The following PPP6R2 variants were observed in gnomAD, a reference collection of about 807,000 sequenced individuals.
PPP6R2 encodes serine/threonine-protein phosphatase 6 regulatory subunit 2.
In PPP6R2, 62 loss-of-function variants were observed where a neutral mutation model predicts 100.2. The observed-to-expected ratio is 0.62, with a 90% CI of 0.50 to 0.76. The LOEUF (loss-of-function observed/expected upper bound fraction) is 0.76, where lower values mean the gene tolerates loss of function less well. Ranked by LOEUF, PPP6R2 falls within the 30% of genes least tolerant of loss-of-function variation. PPP6R2 has a pLI of 0.00. For missense variants in PPP6R2, 1,142 were observed against 1,276.3 expected, an observed-to-expected ratio of 0.89 and a Z score of 1.60; for synonymous variants, 525 against 514.7, an observed-to-expected ratio of 1.02 and a Z score of -0.27.
Position 50,394,258 on chromosome 22 carries a change from C to T in PPP6R2, c.227+123C>T. On this transcript the variant is annotated intron_variant, in intron 3 of 23. Transcript: ENST00000612753. ...AAGAAGCGAGCCGTAAAAATCCACCCCATGTGAGAAGTGAGGAGGGCACTC... is the reference window on the plus strand; with the variant it reads ...AAGAAGCGAGCCGTAAAAATCCACCTCATGTGAGAAGTGAGGAGGGCACTC... 4 of 1,443,244 alleles carry T rather than the reference C, an allele frequency of 2.8e-6. No individual in the cohort carries two copies. The South Asian group carries it at 4.0e-5, about 14-fold the overall frequency. The allele number at this position is 1,443,244 out of a possible 1,614,324, so 89.4% of individuals were successfully genotyped here.
At chr22:50,403,651 G>T (rs1168349192) in intron 3 of PPP6R2, among the ~76,000 whole-genome samples, 1 of 152,082 alleles carries the variant, frequency 6.6e-6, no homozygotes, top group South Asian at 2.1e-4. Context: ...AGCTTGCAGT[G>T]CCCCTGTGCC....
At chr22:50,388,128 G>A (rs371206193) in intron 2 of PPP6R2, among the ~76,000 whole-genome samples, 7 of 151,768 alleles carry the variant, frequency 4.6e-5, no homozygotes, top group Non-Finnish European at 7.4e-5. Flanking sequence ...TTCAAGACCA[G>A]CCTGGGCAAC....
chr22:50,430,618 C>T (rs1221936300), intron 10 of PPP6R2, among the ~76,000 whole-genome samples: 1 of 152,178 alleles, frequency 6.6e-6, no homozygotes, highest in Non-Finnish European at 1.5e-5. Context: ...TTATGCCTGT[C>T]ATCCCAGCAC....
rs2066714281 is a variant in PPP6R2 at position 50,445,051 on chromosome 22, A to C, written c.*804A>C. 6.5e-6 allele frequency: 1 copy of C among 152,690 alleles called. No homozygotes were observed. Among genetic ancestry groups the C allele is most frequent in the Non-Finnish European group, 1.5e-5 (1 of 68,146 alleles). 9.5% of individuals were successfully genotyped at this position (152,690 alleles called of 1,614,324 possible). Reference sequence around the variant, plus strand: ...TCTGATCACCTGACAGGGCACCCCAAACCCCCAACTCCCAATAAAAGCCGT... The same window carrying C: ...TCTGATCACCTGACAGGGCACCCCACACCCCCAACTCCCAATAAAAGCCGT... On this transcript the variant is annotated 3_prime_UTR_variant, in exon 24 of 24. Coordinates refer to ENST00000612753, the MANE Select transcript of PPP6R2 (RefSeq NM_001242898.2).
rs370315117 is a variant in PPP6R2 at position 50,444,172 on chromosome 22, G to A, written c.2832-27G>A. ...TGTGGACAGGGCCCGCAGCCCGCAC[G>A]GTTCCAACCCCACCCCATTCCTGCA... is the stretch of plus-strand genomic sequence containing the variant. On this transcript the variant is annotated intron_variant, in intron 23 of 23. Transcript: ENST00000612753. 4.3e-5 allele frequency: 70 copies of A among 1,612,106 alleles called. No individual in the cohort carries two copies. The Admixed American group carries it at 5.7e-4, about 13-fold the overall frequency.
At chr22:50,438,044 C>A in intron 17 of PPP6R2, 130 bp from the exon 18 acceptor site, 1 of 1,485,952 alleles carries the variant, frequency 6.7e-7, no homozygotes, top group Non-Finnish European at 9.1e-7. Flanking sequence ...TTTCCTTGCC[C>A]CTCCCCGTCC....
Position 50,436,972 on chromosome 22 carries a change from C to G in PPP6R2, c.1603-16C>G. ...GGGCTGGCTCACACGCCCACCCCAT[C>G]TGGCCTGTGTTTTAGGTGAGCACTC... On this transcript the variant is annotated splice_polypyrimidine_tract_variant and intron_variant, in intron 14 of 23. Transcript: ENST00000612753. The G allele has an allele frequency of 6.4e-7, 1 of 1,551,642 alleles. No individual in the cohort carries two copies. Among genetic ancestry groups the G allele is most frequent in the Non-Finnish European group, 8.7e-7 (1 of 1,147,096 alleles).
At chr22:50,442,202 C>G (rs1443821189) in intron 22 of PPP6R2, among the ~76,000 whole-genome samples, 2 of 152,216 alleles carry the variant, frequency 1.3e-5, no homozygotes, top group East Asian at 3.9e-4. Flanking sequence ...TGGGGCAGGC[C>G]TGACACCTCA....
chr22:50,391,777 T>C (rs1422846336), intron 2 of PPP6R2: 3 of 151,960 alleles, frequency 2.0e-5, no homozygotes, highest in Admixed American at 6.6e-5. Flanking sequence ...TTTGGTCTTT[T>C]GGATTAATCC....
Position 50,424,677 on chromosome 22 carries a change from C to T in PPP6R2, c.1125+1063C>T, listed in dbSNP as rs1044434105. 7.1e-5 allele frequency among the ~76,000 whole-genome samples: 9 copies of T among 126,082 alleles called. No homozygotes were observed. The East Asian group carries it at 2.0e-3, about 28-fold the overall frequency. 82.7% of individuals were successfully genotyped at this position (126,082 alleles called of 152,430 possible). A position where few individuals can be genotyped will look rare whatever the true frequency, so the allele number is the denominator to read the frequency against. ...TTTTTGAGATGGAGTCTCTCTCTGT[C>T]GCCAGGCTGGAGTGCAGTGGCGGGA... On this transcript the variant is annotated intron_variant, in intron 10 of 23. Transcript: ENST00000612753.
chr22:50,371,505 GAAAA>G (rs894726509), intron 1 of PPP6R2, among the ~76,000 whole-genome samples: 5 of 142,178 alleles, frequency 3.5e-5, no homozygotes, highest in Non-Finnish European at 7.7e-5. Context: ...CTTTAAAAAA[GAAAA>G]AAAAAAGAAA....
intron 10 of PPP6R2, among the ~76,000 whole-genome samples, chr22:50,430,846 C>T (rs566468644): frequency 1.4e-5 from 2 of 142,484 alleles, no homozygotes; most frequent in South Asian, 2.2e-4. Flanking sequence ...TGCACTCTAG[C>T]CTGGGAGACA....
chr22:50,370,939 T>C (rs1602500968), intron 1 of PPP6R2, among the ~76,000 whole-genome samples: 1 of 130,540 alleles, frequency 7.7e-6, no homozygotes. Flanking sequence ...GCCACAAATG[T>C]AGGACCTATT....
chr22:50,367,990 C>T (rs1291741080), intron 1 of PPP6R2, among the ~76,000 whole-genome samples: 1 of 152,160 alleles, frequency 6.6e-6, no homozygotes, highest in Non-Finnish European at 1.5e-5. Context: ...GTCACGTGTC[C>T]ACTGGACAGG....
In PPP6R2 at chr22:50,431,378, C is replaced by A; in HGVS notation, c.1331C>A (p.Thr444Asn). ...AASLPDNTMVTHLFQKCCLVQ... is the reference protein window; with the variant it reads ...AASLPDNTMVNHLFQKCCLVQ... The stretch of plus-strand genomic sequence containing the variant: ...AGCCTCCCTGACAACACAATGGTGA[C>A]CCACGTGAGTCCAAGAAGCATCCAT... Residue 444 changes from threonine to asparagine, a missense_variant, in exon 11 of 24, where the codon ACC (threonine) becomes AAC (asparagine). By Grantham distance (65) the Thr-to-Asn change is moderately conservative. Transcript: ENST00000612753. This position sits in a 1 kb window ranked among gnomAD's most constrained non-coding sequence, Gnocchi z 4.8. The A allele has an allele frequency of 6.2e-7, 1 of 1,611,696 alleles. No homozygotes were observed. The highest frequency in any genetic ancestry group is 8.5e-7 in the Non-Finnish European group (1 of 1,179,726).
intron 1 of PPP6R2, among the ~76,000 whole-genome samples, chr22:50,370,399 T>A (rs934972169): frequency 1.3e-5 from 2 of 151,868 alleles, no homozygotes; most frequent in Non-Finnish European, 2.9e-5. Context: ...GCAATTCTCC[T>A]GCCTCAGCCT....
intron 2 of PPP6R2, among the ~76,000 whole-genome samples, chr22:50,391,549 A>G (rs935476200): frequency 6.6e-6 from 1 of 151,526 alleles, no homozygotes; most frequent in Non-Finnish European, 1.5e-5. Context: ...GCAGTGAGCT[A>G]TGATTGTGGC....
intron 2 of PPP6R2, among the ~76,000 whole-genome samples, chr22:50,387,282 C>G (rs1430825314): frequency 6.6e-6 from 1 of 152,040 alleles, no homozygotes; most frequent in Non-Finnish European, 1.5e-5. Context: ...CCAGGCTTGT[C>G]TTGAACTCTG....
intron 4 of PPP6R2, 55 bp from the exon 5 acceptor site, chr22:50,414,497 G>A (rs2060244144): frequency 6.3e-7 from 1 of 1,592,516 alleles, no homozygotes; most frequent in Non-Finnish European, 8.6e-7. Flanking sequence ...TGGAGGAGGT[G>A]TCTCAGGGTT....
Sources: allele counts gnomAD v4.1 joint callset (sites outside exome capture counted in the v4.1 genomes callset), GRCh38; gene constraint gnomAD v4.1.1; non-coding constraint Gnocchi (gnomAD v3.1); transcripts MANE v1.5; gene names NCBI Gene and HGNC (gene_info 2026-07-23, HGNC 2026-07-21).